ZNF280C: variants seen among roughly 807,000 people sequenced by gnomAD.
ZNF280C encodes the protein zinc finger protein 280C.
A neutral mutation model predicts 53.6 loss-of-function variants in ZNF280C; 14 were observed. The observed-to-expected ratio is 0.26, with a 90% CI of 0.17 to 0.41. The LOEUF (loss-of-function observed/expected upper bound fraction) is 0.41. Among genes scored for constraint, ZNF280C ranks in the 10% least tolerant of loss-of-function variants. The pLI is 1.00. For missense variants in ZNF280C, 416 were observed against 547.1 expected, an observed-to-expected ratio of 0.76 and a Z score of 2.39; for synonymous variants, 203 against 181.1, an observed-to-expected ratio of 1.12 and a Z score of -0.97.
At chrX:130,235,270 TTG>T (rs1386409173) in intron 8 of ZNF280C, among the ~76,000 whole-genome samples, 3 of 112,379 alleles carry the variant, frequency 2.7e-5, no homozygotes, top group Admixed American at 9.4e-5. Flanking sequence ...TCCCGGCACT[TTG>T]TGAGGCTGAG....
chrX:130,213,300 G>A (rs763138455), intron 15 of ZNF280C, among the ~76,000 whole-genome samples: 2 of 112,458 alleles, frequency 1.8e-5, no homozygotes, highest in East Asian at 5.5e-4. Flanking sequence ...ATGAACCCGG[G>A]AGGCGGAGCT....
chrX:130,221,021 T>C (rs1470157006), intron 12 of ZNF280C, among the ~76,000 whole-genome samples: 1 of 111,776 alleles, frequency 8.9e-6, no homozygotes, highest in Non-Finnish European at 1.9e-5. Context: ...CAGCTCATCA[T>C]TTGCATATAA....
In ZNF280C at chrX:130,255,078, CA is replaced by C. The variant is rs370021483; in HGVS notation, c.31+5340del. 1.3e-3 allele frequency among the ~76,000 whole-genome samples: 130 copies of C among 99,902 alleles called. 1 individual carries two copies. The highest frequency in any genetic ancestry group is 0.012 in the South Asian group (28 of 2,280). The allele number at this position is 99,902 out of a possible 115,157, so 86.8% of individuals were successfully genotyped here. A position where few individuals can be genotyped will look rare whatever the true frequency, so the allele number is the denominator to read the frequency against. On this transcript the variant is annotated intron_variant, in intron 2 of 18. Transcript: ENST00000370978. ...GTTGAGTAAATGTGAAACCAAAAGA[CA>C]AAAAACACATATATTAAACACAGAA...
chrX:130,216,683 C>T (rs912308870), intron 13 of ZNF280C, among the ~76,000 whole-genome samples: 2 of 111,862 alleles, frequency 1.8e-5, no homozygotes, highest in African/African-American at 6.5e-5. Flanking sequence ...TGGGAATGCA[C>T]AACAGTGTAG....
At chrX:130,217,131 A>G (rs1431714466) in intron 13 of ZNF280C, among the ~76,000 whole-genome samples, 1 of 112,571 alleles carries the variant, frequency 8.9e-6, no homozygotes, top group Non-Finnish European at 1.9e-5. Flanking sequence ...ATGAAAACAT[A>G]CGTTCACACA....
At chrX:130,259,150 C>A (rs1288494215) in intron 2 of ZNF280C, among the ~76,000 whole-genome samples, 1 of 112,007 alleles carries the variant, frequency 8.9e-6, no homozygotes, top group Non-Finnish European at 1.9e-5. Flanking sequence ...TCTCAAACTG[C>A]CTATTTCTTA....
Position 130,227,399 on chromosome X carries a change from T to G in ZNF280C, c.1248+283A>C, listed in dbSNP as rs190257104. ...CTATTTCTCTAGCATATCTATAATTTTCCCTATATGATAACCCACACATTT... is the reference window on the plus strand; with the variant it reads ...CTATTTCTCTAGCATATCTATAATTGTCCCTATATGATAACCCACACATTT... On this transcript the variant is annotated intron_variant, in intron 11 of 18. Coordinates refer to ENST00000370978, the MANE Select transcript of ZNF280C (RefSeq NM_017666.5). Among the ~76,000 whole-genome samples the G allele has an allele frequency of 2.9e-3, 323 of 111,423 alleles. 2 individuals are homozygous for G. Among genetic ancestry groups the G allele is most frequent in the African/African-American group, 8.8e-3 (269 of 30,713 alleles).
chrX:130,220,218 ATTG>A, intron 13 of ZNF280C, 128 bp downstream of exon 13: 1 of 505,078 alleles, frequency 2.0e-6, no homozygotes, highest in South Asian at 7.0e-5. Flanking sequence ...ACAATAAATT[ATTG>A]TTAATATAGT....
intron 6 of ZNF280C, among the ~76,000 whole-genome samples, chrX:130,237,488 C>G (rs2032347027): frequency 9.0e-6 from 1 of 111,443 alleles, no homozygotes; most frequent in Non-Finnish European, 1.9e-5. Context: ...TTATATAATT[C>G]AGGGCATTCC....
chrX:130,215,975 G>T lies in ZNF280C; in HGVS notation c.1654C>A (p.Pro552Thr), dbSNP rs1408059280. Residue 552 changes from proline (P) to threonine (T), a missense_variant, in exon 14 of 19, where the codon CCT (proline) becomes ACT (threonine). Pro to Thr is a conservative substitution (Grantham distance 38). Around this residue, in one of 3 missense-constraint regions of ZNF280C, gnomAD observed 151 missense variants for 176.9 expected, o/e 0.85. Coordinates refer to ENST00000370978, the MANE Select transcript of ZNF280C (RefSeq NM_017666.5). ...PTSQNTTARN[P>T]RKSNASRSKT... ...GATCTACTGGCATTAGATTTTCTAG[G>T]ATTTCTAGCAGTTGTATTTTGAGAT... 8.3e-7 allele frequency: 1 copy of T among 1,209,488 alleles called. No individual in the cohort carries two copies. The highest frequency in any genetic ancestry group is 3.0e-5 in the East Asian group (1 of 33,778).
chrX:130,256,574 G>A lies in ZNF280C; in HGVS notation c.31+3845C>T, dbSNP rs749254149. 5.5e-3 allele frequency among the ~76,000 whole-genome samples: 598 copies of A among 109,005 alleles called. 7 individuals are homozygous for A. Among genetic ancestry groups the A allele is most frequent in the African/African-American group, 0.019 (555 of 29,876 alleles). 94.7% of individuals were successfully genotyped at this position (109,005 alleles called of 115,157 possible). On this transcript the variant is annotated intron_variant, in intron 2 of 18. Coordinates refer to ENST00000370978, the MANE Select transcript of ZNF280C (RefSeq NM_017666.5). Reference sequence around the variant, plus strand: ...ACTGCACTCCAGTCTGGGCGACTGGGAGACTCCATCTCAAGAAAAAAAGGG... The same window carrying A: ...ACTGCACTCCAGTCTGGGCGACTGGAAGACTCCATCTCAAGAAAAAAAGGG...
chrX:130,248,379 C>T (rs1175131625), intron 2 of ZNF280C, among the ~76,000 whole-genome samples: 2 of 109,599 alleles, frequency 1.8e-5, no homozygotes, highest in East Asian at 2.9e-4. Context: ...CTGGGAATCC[C>T]GGCAGGAGAA....
At chrX:130,258,662 T>TA (rs1228194946) in intron 2 of ZNF280C, among the ~76,000 whole-genome samples, 1 of 112,479 alleles carries the variant, frequency 8.9e-6, no homozygotes, top group Non-Finnish European at 1.9e-5. Context: ...TTAAAAGTAT[T>TA]AATTCATATT....
intron 16 of ZNF280C, among the ~76,000 whole-genome samples, chrX:130,206,601 C>T (rs769035169): frequency 1.3e-4 from 14 of 111,083 alleles, no homozygotes; most frequent in African/African-American, 3.9e-4. Flanking sequence ...CTCCTGACCT[C>T]GTGATCCACC....
At chrX:130,223,494 C>A (rs1344514509) in intron 12 of ZNF280C, among the ~76,000 whole-genome samples, 1 of 112,169 alleles carries the variant, frequency 8.9e-6, no homozygotes, top group Non-Finnish European at 1.9e-5. Flanking sequence ...GAATGTGACA[C>A]TGGGCAAATT....
Position 130,205,316 on chromosome X carries a change from G to A in ZNF280C, c.2142C>T (p.Cys714=). Residue 714 remains cysteine, a synonymous_variant, in exon 17 of 19, where the codon TGC becomes TGT. Transcript: ENST00000370978. ...KHLSQRKTHT[C]QVIIENVSKS... ...ACGTACCATTCTCTATTATAACTTG[G>A]CAAGTATGAGTTTTACGTTGACTTA... is the stretch of plus-strand genomic sequence containing the variant. 8.3e-7 allele frequency: 1 copy of A among 1,198,742 alleles called. No individual in the cohort carries two copies. The highest frequency in any genetic ancestry group is 1.1e-6 in the Non-Finnish European group (1 of 886,567).
intron 16 of ZNF280C, among the ~76,000 whole-genome samples, chrX:130,207,403 A>G (rs1268224436): frequency 8.9e-6 from 1 of 111,763 alleles, no homozygotes; most frequent in Non-Finnish European, 1.9e-5. Flanking sequence ...TCTGTCACCC[A>G]GGCTGGAGTG....
intron 1 of ZNF280C, among the ~76,000 whole-genome samples, chrX:130,267,953 T>C (rs1005066426): frequency 1.8e-5 from 2 of 112,075 alleles, no homozygotes; most frequent in African/African-American, 6.5e-5. Context: ...CTCCCGTGCT[T>C]GCAGAAGCTG....
intron 8 of ZNF280C, among the ~76,000 whole-genome samples, chrX:130,231,727 T>TA (rs919418818): frequency 3.1e-4 from 33 of 106,828 alleles, no homozygotes; most frequent in East Asian, 5.8e-4. Context: ...CTACAATAAT[T>TA]AAAAAAAAAA....
Sources: allele counts gnomAD v4.1 joint callset (sites outside exome capture counted in the v4.1 genomes callset), GRCh38; gene constraint gnomAD v4.1.1; regional missense constraint gnomAD v4.1.1; transcripts MANE v1.5; gene names NCBI Gene and HGNC (gene_info 2026-07-23, HGNC 2026-07-21).